Variants in ADAM12 observed in about 807,000 individuals in gnomAD.
The protein encoded by ADAM12 is disintegrin and metalloproteinase domain-containing protein 12.
In ADAM12, 70 loss-of-function variants were observed where a neutral mutation model predicts 106.4. The ratio of observed to expected loss-of-function variants is 0.66; its 90% CI spans 0.54 to 0.80. ADAM12 has a LOEUF of 0.80. Ranked by LOEUF, ADAM12 falls within the 30% of genes least tolerant of loss-of-function variation. The probability of loss-of-function intolerance (pLI) is 0.00; values close to 1 mark genes in which losing one functional copy is unlikely to be tolerated. For missense variants in ADAM12, 1,010 were observed against 1,171.9 expected (o/e 0.86, Z 2.02); for synonymous variants, 420 against 433.5 (o/e 0.97, Z 0.39).
At chr10:126,227,811 A>T (rs951730260) in intron 3 of ADAM12, among the ~76,000 whole-genome samples, 2 of 152,184 alleles carry the variant, frequency 1.3e-5, no homozygotes, top group Non-Finnish European at 2.9e-5. Flanking sequence ...GAAAACAAAG[A>T]GGCAGAAAAA....
chr10:126,234,112 C>G (rs552551778), intron 3 of ADAM12, among the ~76,000 whole-genome samples: 1 of 152,248 alleles, frequency 6.6e-6, no homozygotes, highest in African/African-American at 2.4e-5. Flanking sequence ...AGCTCATGGA[C>G]AGGCACACCA....
chr10:126,134,830 T>C (rs1301493170), intron 5 of ADAM12, among the ~76,000 whole-genome samples: 4 of 152,224 alleles, frequency 2.6e-5, no homozygotes. Context: ...TTCCCTCCCA[T>C]GGAATCATGC....
In ADAM12 at chr10:126,221,404, A is replaced by G. The variant is rs552232482; in HGVS notation, c.260+57511T>C. On this transcript the variant is annotated intron_variant, in intron 3 of 22. Coordinates refer to ENST00000448723, the MANE Select transcript of ADAM12 (RefSeq NM_001288973.2). ...GACTCTGTCTCAAAAAAAAAAAAAA[A>G]AAAGAAAGAAAGAAAGAAAGAGAAG... Among the ~76,000 whole-genome samples, 467 of 149,924 alleles carry G rather than the reference A, an allele frequency of 3.1e-3. 7 individuals carry two copies. The highest frequency in any genetic ancestry group is 0.031 in the East Asian group (155 of 5,078).
intron 3 of ADAM12, among the ~76,000 whole-genome samples, chr10:126,213,560 A>C (rs139877579): frequency 6.6e-5 from 10 of 152,328 alleles, no homozygotes; most frequent in African/African-American, 2.4e-4. Context: ...CACCCACTGA[A>C]TATACCCAAA....
intron 3 of ADAM12, among the ~76,000 whole-genome samples, chr10:126,180,499 G>A (rs988431647): frequency 2.0e-5 from 3 of 152,078 alleles, no homozygotes; most frequent in African/African-American, 4.8e-5. Context: ...AATGTTAAAC[G>A]AAGACAGTAC....
At chr10:126,323,101 T>C (rs915756179) in intron 2 of ADAM12, among the ~76,000 whole-genome samples, 2 of 152,178 alleles carry the variant, frequency 1.3e-5, no homozygotes, top group African/African-American at 4.8e-5. Flanking sequence ...GTGCATGTCA[T>C]ATGATGATAT....
intron 18 of ADAM12, chr10:126,041,509 G>A (rs1461163334): frequency 2.1e-5 from 21 of 985,446 alleles, no homozygotes; most frequent in East Asian, 1.1e-4. Flanking sequence ...TGCTGGTCAC[G>A]CATGTCCACA....
chr10:126,354,240 T>G (rs913552714), intron 1 of ADAM12, among the ~76,000 whole-genome samples: 3 of 152,182 alleles, frequency 2.0e-5, no homozygotes, highest in Non-Finnish European at 4.4e-5. Context: ...TTCTTGGGGT[T>G]CCAAGAATAT....
At chr10:126,298,799 C>CTGACAAA (rs1480712664) in intron 2 of ADAM12, among the ~76,000 whole-genome samples, 2 of 152,056 alleles carry the variant, frequency 1.3e-5, no homozygotes, top group African/African-American at 4.8e-5. Context: ...GCAATAATAA[C>CTGACAAA]TGACAAATGA....
chr10:126,343,415 G>A lies in ADAM12; in HGVS notation c.89-12906C>T, dbSNP rs113537370. 1.2e-4 allele frequency among the ~76,000 whole-genome samples: 18 copies of A among 152,062 alleles called. 1 individual carries two copies. Among genetic ancestry groups the A allele is most frequent in the African/African-American group, 4.1e-4 (17 of 41,480 alleles). On this transcript the variant is annotated intron_variant, in intron 1 of 22. Transcript: ENST00000448723. ...GGTGTATATGTGCCACATTTTCTTA[G>A]TCCAGTCTATCATTGTTGGACATTT...
chr10:126,088,866 C>T (rs1955408826), intron 11 of ADAM12, among the ~76,000 whole-genome samples: 1 of 152,144 alleles, frequency 6.6e-6, no homozygotes, highest in Non-Finnish European at 1.5e-5. Context: ...GTTATACATG[C>T]TTGCGGGGAA....
intron 22 of ADAM12, among the ~76,000 whole-genome samples, chr10:126,018,084 C>T (rs1953693106): frequency 6.6e-6 from 1 of 152,230 alleles, no homozygotes; most frequent in Admixed American, 6.5e-5. Context: ...CCTTTGACCG[C>T]CTTTATCTCT....
chr10:126,158,268 GGAGAGAATGCACAGAGCACCGGGA>G (rs1269318730), intron 3 of ADAM12, among the ~76,000 whole-genome samples: 1 of 152,180 alleles, frequency 6.6e-6, no homozygotes, highest in African/African-American at 2.4e-5. Flanking sequence ...CAGAGCACAG[GGAGAGAATGCACAGAGCACCGGGA>G]GAGGAGGCAC....
chr10:126,199,908 C>G (rs1019656285), intron 3 of ADAM12, among the ~76,000 whole-genome samples: 2 of 152,006 alleles, frequency 1.3e-5, no homozygotes, highest in Admixed American at 6.6e-5. Context: ...GCTTTTTGGT[C>G]AAATGATTGA....
intron 21 of ADAM12, among the ~76,000 whole-genome samples, chr10:126,024,245 G>A (rs1342276973): frequency 6.6e-6 from 1 of 152,188 alleles, no homozygotes; most frequent in Non-Finnish European, 1.5e-5. Flanking sequence ...GACAGTGCTT[G>A]TATCTGGAGG....
At chr10:126,321,620 T>C (rs148424329) in intron 2 of ADAM12, among the ~76,000 whole-genome samples, 1 of 152,172 alleles carries the variant, frequency 6.6e-6, no homozygotes, top group African/African-American at 2.4e-5. Context: ...GGAGTTGGGA[T>C]GCAACAATCA....
chr10:126,208,318 A>G (rs2133831793), intron 3 of ADAM12, among the ~76,000 whole-genome samples: 1 of 152,280 alleles, frequency 6.6e-6, no homozygotes, highest in South Asian at 2.1e-4. Context: ...GCTGCCAAAC[A>G]TCCTACAATG....
At chr10:126,321,714 G>A (rs1854100858) in intron 2 of ADAM12, among the ~76,000 whole-genome samples, 1 of 152,154 alleles carries the variant, frequency 6.6e-6, no homozygotes, top group Non-Finnish European at 1.5e-5. Flanking sequence ...CACCACGTCT[G>A]CCCCCTGAAC....
rs374502104 is a variant in ADAM12 at position 126,272,465 on chromosome 10, CA to C, written c.260+6449del. Reference sequence around the variant, plus strand: ...TGATCTTGGGAGGCATGAGCAAGCACATTGTCTTAATTAGCTTTATTAATTA... The same window carrying C: ...TGATCTTGGGAGGCATGAGCAAGCACTTGTCTTAATTAGCTTTATTAATTA... On this transcript the variant is annotated intron_variant, in intron 3 of 22. Transcript: ENST00000448723. Among the ~76,000 whole-genome samples the C allele has an allele frequency of 9.1e-4, 139 of 152,212 alleles. 3 individuals are homozygous for C. The South Asian group carries it at 0.027, about 30-fold the overall frequency.
Sources: allele counts gnomAD v4.1 joint callset (sites outside exome capture counted in the v4.1 genomes callset), GRCh38; gene constraint gnomAD v4.1.1; transcripts MANE v1.5; gene names NCBI Gene and HGNC (gene_info 2026-07-23, HGNC 2026-07-21).